The following CREBBP variants were observed in gnomAD, a reference collection of about 807,000 sequenced individuals.
CREBBP encodes the protein CREB-binding protein.
CREBBP carries 19 observed loss-of-function variants against 265.0 expected under a neutral mutation model. That is an observed-to-expected ratio of 0.07 (90% confidence interval 0.05 to 0.11). The LOEUF is 0.11. Ranked by LOEUF, CREBBP falls within the 10% of genes least tolerant of loss-of-function variation. The pLI is 1.00. For synonymous variants in CREBBP, 1,457 were observed against 1,223.7 expected (o/e 1.19, Z -3.98); for missense variants, 2,525 against 3,219.0 (o/e 0.78, Z 5.22).
chr16:3,874,819 C>A (rs2055367088), intron 1 of CREBBP, among the ~76,000 whole-genome samples: 1 of 152,184 alleles, frequency 6.6e-6, no homozygotes, highest in Non-Finnish European at 1.5e-5. Context: ...CCTCTAGTTT[C>A]TTGGAATACA....
chr16:3,868,160 G>A lies in CREBBP; in HGVS notation c.85+11672C>T, dbSNP rs75511700. ...ACTGGTTGCCTATGGGGAGGGGAAT[G>A]ACCAGTGACCCCAGAAACAGACAGG... On this transcript the variant is annotated intron_variant, in intron 1 of 30. Coordinates refer to ENST00000262367, the MANE Select transcript of CREBBP (RefSeq NM_004380.3). 2.0e-5 allele frequency among the ~76,000 whole-genome samples: 3 copies of A among 152,264 alleles called. No homozygotes were observed. The East Asian group carries it at 5.8e-4, about 29-fold the overall frequency.
chr16:3,726,708 A>G lies in CREBBP; in HGVS notation c.*1010T>C. On this transcript the variant is annotated 3_prime_UTR_variant, in exon 31 of 31. Transcript: ENST00000262367. Reference sequence around the variant, plus strand: ...GCGGTACTTTATATACAATGGGGAAAAAACACATGCATAGTCCAAATACAA... The same window carrying G: ...GCGGTACTTTATATACAATGGGGAAGAAACACATGCATAGTCCAAATACAA... 1 of 233,688 alleles carries G rather than the reference A, an allele frequency of 4.3e-6. No homozygotes were observed. 14.5% of individuals were successfully genotyped at this position (233,688 alleles called of 1,614,324 possible). A position where few individuals can be genotyped will look rare whatever the true frequency, so the allele number is the denominator to read the frequency against.
intron 1 of CREBBP, among the ~76,000 whole-genome samples, chr16:3,854,102 T>A (rs958720449): frequency 6.6e-6 from 1 of 152,192 alleles, no homozygotes; most frequent in African/African-American, 2.4e-5. Flanking sequence ...AGTGGCTGCC[T>A]GGGAGGTTCC....
At chr16:3,789,126 G>GTGCATCA (rs2053451665) in intron 5 of CREBBP, among the ~76,000 whole-genome samples, 1 of 152,200 alleles carries the variant, frequency 6.6e-6, no homozygotes, top group Non-Finnish European at 1.5e-5. Context: ...CCAAGGAAGT[G>GTGCATCA]TGCATCAGGT....
At chr16:3,825,924 T>C (rs2054228181) in intron 2 of CREBBP, among the ~76,000 whole-genome samples, 1 of 152,232 alleles carries the variant, frequency 6.6e-6, no homozygotes, top group Admixed American at 6.5e-5. Flanking sequence ...ATACTGTTCT[T>C]AAAAAAGCAA....
At chr16:3,761,880 G>A (rs1376046315) in intron 16 of CREBBP, among the ~76,000 whole-genome samples, 1 of 152,176 alleles carries the variant, frequency 6.6e-6, no homozygotes, top group African/African-American at 2.4e-5. Flanking sequence ...GTAACAAATA[G>A]CCTTTTGATT....
intron 28 of CREBBP, among the ~76,000 whole-genome samples, chr16:3,733,172 C>T (rs932137791): frequency 6.6e-6 from 1 of 151,894 alleles, no homozygotes; most frequent in African/African-American, 2.4e-5. Flanking sequence ...ACCAACCTGG[C>T]TAACACGGTG....
At chr16:3,859,764 T>C (rs546005778) in intron 1 of CREBBP, among the ~76,000 whole-genome samples, 8 of 152,326 alleles carry the variant, frequency 5.3e-5, no homozygotes, top group East Asian at 1.9e-4. Context: ...GCTGAACACA[T>C]GGAGGTTCCT....
chr16:3,800,462 CT>C (rs1157116524), intron 3 of CREBBP, among the ~76,000 whole-genome samples: 1 of 152,074 alleles, frequency 6.6e-6, no homozygotes, highest in Admixed American at 6.5e-5. Flanking sequence ...CATTTTTCCC[CT>C]AAGAGACGAG....
intron 3 of CREBBP, among the ~76,000 whole-genome samples, chr16:3,804,981 T>C (rs986411576): frequency 6.6e-6 from 1 of 152,256 alleles, no homozygotes; most frequent in African/African-American, 2.4e-5. Flanking sequence ...CTACCCCTAA[T>C]ACCAAAGGAC....
intron 2 of CREBBP, among the ~76,000 whole-genome samples, chr16:3,839,838 AAAG>A (rs1408949165): frequency 6.6e-6 from 1 of 151,216 alleles, no homozygotes; most frequent in African/African-American, 2.5e-5. Context: ...AAAGAGAAGG[AAAG>A]AGAGAGAGGA....
chr16:3,873,744 A>T (rs965076234), intron 1 of CREBBP, among the ~76,000 whole-genome samples: 1 of 152,036 alleles, frequency 6.6e-6, no homozygotes, highest in Non-Finnish European at 1.5e-5. Context: ...TGGCCTCAGC[A>T]CTCCTAAGGC....
intron 8 of CREBBP, 67 bp from the exon 9 acceptor site, chr16:3,778,884 C>T (rs1288260632): frequency 1.1e-5 from 15 of 1,386,656 alleles, no homozygotes; most frequent in Admixed American, 5.1e-5. Context: ...CATGGGGTTT[C>T]GTCCAGGCGC....
intron 19 of CREBBP, among the ~76,000 whole-genome samples, chr16:3,754,897 C>A (rs1286333551): frequency 6.6e-6 from 1 of 152,094 alleles, no homozygotes; most frequent in African/African-American, 2.4e-5. Flanking sequence ...CATAAATAGT[C>A]AAAGTTGAAA....
chr16:3,798,100 T>C (rs1376699090), intron 3 of CREBBP, among the ~76,000 whole-genome samples: 2 of 152,132 alleles, frequency 1.3e-5, no homozygotes, highest in Non-Finnish European at 1.5e-5. Flanking sequence ...TCAATGACAA[T>C]GAGGAGGAGC....
At chr16:3,807,853 T>C (rs921173663) in intron 3 of CREBBP, among the ~76,000 whole-genome samples, 4 of 152,164 alleles carry the variant, frequency 2.6e-5, no homozygotes, top group African/African-American at 9.6e-5. Flanking sequence ...TGTGGAGCAC[T>C]GAAGGCTGTT....
intron 6 of CREBBP, among the ~76,000 whole-genome samples, chr16:3,782,128 G>A (rs2053285783): frequency 1.3e-5 from 2 of 152,174 alleles, no homozygotes; most frequent in South Asian, 4.1e-4. Context: ...ATGCAGAAAT[G>A]GCAAAATCAT....
In CREBBP at chr16:3,726,043, G is replaced by GC. The variant is rs768692820; in HGVS notation, c.*1674dup. ...GGGAGGCAGGACCATGTGGCTAAGT[G>GC]CAAGTATCCCCCGAAGTGGGGGACC... On this transcript the variant is annotated 3_prime_UTR_variant, in exon 31 of 31. Coordinates refer to ENST00000262367, the MANE Select transcript of CREBBP (RefSeq NM_004380.3). The GC allele has an allele frequency of 8.6e-6, 2 of 233,308 alleles. No homozygotes were observed. Among genetic ancestry groups the GC allele is most frequent in the Non-Finnish European group, 1.7e-5 (2 of 118,030 alleles). 14.5% of individuals were successfully genotyped at this position (233,308 alleles called of 1,614,324 possible).
At chr16:3,875,679 T>C (rs927363290) in intron 1 of CREBBP, among the ~76,000 whole-genome samples, 1 of 152,072 alleles carries the variant, frequency 6.6e-6, no homozygotes, top group East Asian at 1.9e-4. Flanking sequence ...ACTTAGAAAA[T>C]AAATATATAG....
Sources: gnomAD v4.1 joint callset for allele counts (sites outside exome capture counted in the v4.1 genomes callset) on GRCh38, gnomAD v4.1.1 for gene constraint, MANE v1.5 for transcripts, NCBI Gene and HGNC (gene_info 2026-07-23, HGNC 2026-07-21) for gene names.